Variants in CPED1 observed in about 807,000 individuals in gnomAD.
CPED1 encodes cadherin like and PC-esterase domain containing 1, also known as cadherin-like and PC-esterase domain-containing protein 1.
In CPED1, 114 loss-of-function variants were observed where a neutral mutation model predicts 128.2. That is an observed-to-expected ratio of 0.89 (90% CI 0.76 to 1.04). CPED1 has a LOEUF of 1.04. CPED1 is among the 50% of genes least tolerant of loss of function. The probability of loss-of-function intolerance (pLI) is 0.00; values close to 1 mark genes in which losing one functional copy is unlikely to be tolerated. For missense variants in CPED1, 1,211 were observed against 1,207.1 expected (o/e 1.00, Z -0.05); for synonymous variants, 462 against 426.7 (o/e 1.08, Z -1.02).
At chr7:121,067,349 G>A (rs1034570385) in intron 5 of CPED1, among the ~76,000 whole-genome samples, 5 of 151,910 alleles carry the variant, frequency 3.3e-5, no homozygotes, top group African/African-American at 1.2e-4. Context: ...CCACCTATGA[G>A]TGAGAACATG....
At chr7:121,056,397 T>G (rs1793500872) in intron 4 of CPED1, among the ~76,000 whole-genome samples, 1 of 152,206 alleles carries the variant, frequency 6.6e-6, no homozygotes, top group Admixed American at 6.5e-5. Context: ...ACATTCATAG[T>G]TGAATTGATT....
chr7:121,216,269 G>A (rs1287759232), intron 16 of CPED1, among the ~76,000 whole-genome samples: 1 of 128,066 alleles, frequency 7.8e-6, no homozygotes, highest in Non-Finnish European at 1.8e-5. Flanking sequence ...TCCATCTCTG[G>A]TCCAAAGTGT....
chr7:121,047,743 C>G (rs1793251980), intron 4 of CPED1, among the ~76,000 whole-genome samples: 1 of 142,962 alleles, frequency 7.0e-6, no homozygotes, highest in Non-Finnish European at 1.5e-5. Context: ...CGTAATCTTG[C>G]TCCATCGCCC....
At chr7:121,126,812 A>T (rs1178507450) in intron 9 of CPED1, among the ~76,000 whole-genome samples, 1 of 152,118 alleles carries the variant, frequency 6.6e-6, no homozygotes, top group Non-Finnish European at 1.5e-5. Context: ...ATTATCTTCC[A>T]TGAAAGCATA....
chr7:121,041,725 A>G (rs1001595460), intron 3 of CPED1, among the ~76,000 whole-genome samples: 1 of 152,164 alleles, frequency 6.6e-6, no homozygotes, highest in African/African-American at 2.4e-5. Flanking sequence ...TTTAAAACCA[A>G]ACAAAACAAA....
rs114472927 is a variant in CPED1 at position 121,165,200 on chromosome 7, G to A, written c.2055+23059G>A. The stretch of plus-strand genomic sequence containing the variant: ...TAATATCAAGCATCAGATAAAAGAT[G>A]TGCCAAAGTAGGATATGTTGGATAT... On this transcript the variant is annotated intron_variant, in intron 16 of 22. Transcript: ENST00000310396. Among the ~76,000 whole-genome samples, 1,476 of 152,234 alleles carry A rather than the reference G, an allele frequency of 9.7e-3. 28 individuals are homozygous for A. Among genetic ancestry groups the A allele is most frequent in the African/African-American group, 0.033 (1,380 of 41,534 alleles).
rs188921432 is a variant in CPED1 at position 121,022,327 on chromosome 7, A to G, written c.433+6479A>G. ...ACTTAAGTCCACTCTTACACCAAAG[A>G]TAATGAAACCATAAATATAGTATTA... On this transcript the variant is annotated intron_variant, in intron 3 of 22. Transcript: ENST00000310396. Among the ~76,000 whole-genome samples the G allele has an allele frequency of 1.5e-3, 229 of 152,166 alleles. 1 individual carries two copies. The highest frequency in any genetic ancestry group is 5.9e-4 in the Non-Finnish European group (40 of 67,946).
chr7:121,089,394 G>A (rs1009511204), intron 5 of CPED1, among the ~76,000 whole-genome samples: 1 of 152,120 alleles, frequency 6.6e-6, no homozygotes, highest in Non-Finnish European at 1.5e-5. Context: ...GGAATATTGT[G>A]TACATTTTAT....
intron 16 of CPED1, among the ~76,000 whole-genome samples, chr7:121,171,019 C>T (rs1349044390): frequency 2.0e-5 from 3 of 151,814 alleles, no homozygotes; most frequent in African/African-American, 4.8e-5. Context: ...CACTGCACTC[C>T]AGCCTAAGTG....
chr7:121,039,496 C>T (rs185858963), intron 3 of CPED1, among the ~76,000 whole-genome samples: 35 of 152,120 alleles, frequency 2.3e-4, no homozygotes, highest in Admixed American at 7.2e-4. Context: ...ACATTTTGCA[C>T]TGGGAGTTTT....
intron 16 of CPED1, among the ~76,000 whole-genome samples, chr7:121,193,111 CA>C (rs1352295655): frequency 6.6e-6 from 1 of 152,124 alleles, no homozygotes; most frequent in Admixed American, 6.5e-5. Flanking sequence ...AATAAGTTGA[CA>C]AAGGGACTGA....
intron 4 of CPED1, among the ~76,000 whole-genome samples, chr7:121,059,556 T>C (rs530233880): frequency 3.3e-5 from 5 of 152,314 alleles, no homozygotes; most frequent in African/African-American, 1.2e-4. Flanking sequence ...ATCAGTTTCT[T>C]CCCCCTCCAG....
intron 16 of CPED1, among the ~76,000 whole-genome samples, chr7:121,196,798 GTTTC>G (rs1239526704): frequency 6.6e-6 from 1 of 151,514 alleles, no homozygotes; most frequent in African/African-American, 2.4e-5. Flanking sequence ...TCACACTAAA[GTTTC>G]TTTTTTTTTT....
At chr7:121,000,458 A>T (rs1196823102) in intron 2 of CPED1, among the ~76,000 whole-genome samples, 7 of 152,186 alleles carry the variant, frequency 4.6e-5, no homozygotes, top group Admixed American at 4.6e-4. Context: ...ATTCACTAAT[A>T]GAGGCTAGGG....
intron 22 of CPED1, among the ~76,000 whole-genome samples, chr7:121,284,585 C>G (rs1037993578): frequency 8.5e-5 from 13 of 152,176 alleles, no homozygotes; most frequent in African/African-American, 3.1e-4. Context: ...GTAAATACAC[C>G]CATTCCAAAG....
At chr7:121,191,634 G>A (rs1008025435) in intron 16 of CPED1, among the ~76,000 whole-genome samples, 1 of 152,020 alleles carries the variant, frequency 6.6e-6, no homozygotes, top group Non-Finnish European at 1.5e-5. Context: ...CTCAAATTTG[G>A]GTGGTTATTG....
intron 7 of CPED1, among the ~76,000 whole-genome samples, chr7:121,105,260 C>A (rs1794947571): frequency 6.6e-6 from 1 of 152,106 alleles, no homozygotes; most frequent in African/African-American, 2.4e-5. Flanking sequence ...AAGTTAGCCT[C>A]ATTTGTCGTC....
At chr7:121,266,000 A>G (rs955950675) in intron 18 of CPED1, among the ~76,000 whole-genome samples, 3 of 152,076 alleles carry the variant, frequency 2.0e-5, no homozygotes, top group African/African-American at 7.2e-5. Flanking sequence ...CAAGTGGTAA[A>G]TATGAGTAAG....
intron 5 of CPED1, among the ~76,000 whole-genome samples, chr7:121,067,504 A>T (rs1263698707): frequency 6.6e-6 from 1 of 152,162 alleles, no homozygotes; most frequent in Non-Finnish European, 1.5e-5. Context: ...TTCTTAATCC[A>T]GTCTATCATT....
Sources: allele counts gnomAD v4.1 joint callset (sites outside exome capture counted in the v4.1 genomes callset), GRCh38; gene constraint gnomAD v4.1.1; transcripts MANE v1.5; gene names NCBI Gene and HGNC (gene_info 2026-07-23, HGNC 2026-07-21).